PHLDB2: variants seen among roughly 807,000 people sequenced by gnomAD.
The protein encoded by PHLDB2 is pleckstrin homology like domain family B member 2.
In PHLDB2, 71 loss-of-function variants were observed where a neutral mutation model predicts 123.6. The ratio of observed to expected loss-of-function variants is 0.57; its 90% confidence interval spans 0.47 to 0.70. The LOEUF (loss-of-function observed/expected upper bound fraction) is 0.70, where lower values mean the gene tolerates loss of function less well. Ranked by LOEUF, PHLDB2 falls within the 30% of genes least tolerant of loss-of-function variation. PHLDB2 has a pLI of 0.00. For synonymous variants in PHLDB2, 547 were observed against 541.6 expected, an observed-to-expected ratio of 1.01 and a Z score of -0.14; for missense variants, 1,446 against 1,519.5, an observed-to-expected ratio of 0.95 and a Z score of 0.80.
At chr3:111,921,009 T>C (rs2068468139) in intron 5 of PHLDB2, among the ~76,000 whole-genome samples, 1 of 152,240 alleles carries the variant, frequency 6.6e-6, no homozygotes, top group Non-Finnish European at 1.5e-5. Context: ...AAGCTATCTG[T>C]GAAACACAGT....
intron 8 of PHLDB2, among the ~76,000 whole-genome samples, chr3:111,943,678 T>A (rs1196310093): frequency 6.6e-6 from 1 of 152,150 alleles, no homozygotes; most frequent in Non-Finnish European, 1.5e-5. Flanking sequence ...CAATATGAAT[T>A]AGAACAACAA....
chr3:111,770,709 CA>C (rs1258729747), intron 1 of PHLDB2, among the ~76,000 whole-genome samples: 10 of 152,332 alleles, frequency 6.6e-5, no homozygotes, highest in South Asian at 2.1e-4. Context: ...CAATATTACA[CA>C]GTTCCCACCT....
chr3:111,959,283 TG>T (rs1239036403), intron 12 of PHLDB2, among the ~76,000 whole-genome samples: 35 of 152,224 alleles, frequency 2.3e-4, no homozygotes, highest in African/African-American at 8.4e-4. Context: ...AGGGGTTACC[TG>T]TTTTTGGGGG....
At chr3:111,950,861 T>C (rs918160757) in intron 10 of PHLDB2, among the ~76,000 whole-genome samples, 6 of 152,220 alleles carry the variant, frequency 3.9e-5, no homozygotes, top group African/African-American at 1.4e-4. Flanking sequence ...AAGTAAGTTA[T>C]GTATACAAGG....
At chr3:111,812,038 C>T (rs1249135231) in intron 1 of PHLDB2, among the ~76,000 whole-genome samples, 1 of 152,138 alleles carries the variant, frequency 6.6e-6, no homozygotes, top group Admixed American at 6.5e-5. Flanking sequence ...CTATCAACCC[C>T]GTCTCTGTGA....
At chr3:111,895,872 C>CTAT (rs199501274) in intron 2 of PHLDB2, among the ~76,000 whole-genome samples, 92,126 of 144,852 alleles carry the variant, frequency 0.64, 29,153 homozygotes, top group East Asian at 0.7. Flanking sequence ...ATCTATCTAT[C>CTAT]CATCTATCTA....
intron 1 of PHLDB2, among the ~76,000 whole-genome samples, chr3:111,832,251 TA>T (rs1398846840): frequency 7.2e-5 from 11 of 152,298 alleles, no homozygotes; most frequent in African/African-American, 2.2e-4. Flanking sequence ...TTTTACAAGT[TA>T]ATCTATATCT....
chr3:111,879,471 G>A (rs940010939), intron 1 of PHLDB2, among the ~76,000 whole-genome samples: 12 of 151,992 alleles, frequency 7.9e-5, no homozygotes, highest in Admixed American at 3.3e-4. Context: ...CATCCTCTTC[G>A]TCTTCATGTT....
At chr3:111,854,451 T>C (rs1171296462), upstream of PHLDB2, among the ~76,000 whole-genome samples, 4 of 152,202 alleles carry the variant, frequency 2.6e-5, no homozygotes, top group East Asian at 5.8e-4. Context: ...CATCATAATA[T>C]TAAAGCGAAC....
chr3:111,823,689 C>T (rs1469411976), intron 1 of PHLDB2, among the ~76,000 whole-genome samples: 3 of 152,146 alleles, frequency 2.0e-5, no homozygotes, highest in Non-Finnish European at 4.4e-5. Context: ...TGTACAATCA[C>T]GATCAGTATG....
intron 1 of PHLDB2, among the ~76,000 whole-genome samples, chr3:111,817,747 C>A (rs2062158672): frequency 6.6e-6 from 1 of 152,110 alleles, no homozygotes; most frequent in South Asian, 2.1e-4. Context: ...TGCTGGAGAC[C>A]ATGACTTCTC....
At chr3:111,844,409 C>T (rs1337366157) in intron 1 of PHLDB2, among the ~76,000 whole-genome samples, 2 of 152,262 alleles carry the variant, frequency 1.3e-5, no homozygotes, top group East Asian at 1.9e-4. Context: ...TATTTCTGTT[C>T]GTAGATAATG....
At chr3:111,801,903 G>T (rs1294455789) in intron 1 of PHLDB2, among the ~76,000 whole-genome samples, 1 of 149,448 alleles carries the variant, frequency 6.7e-6, no homozygotes, top group African/African-American at 2.5e-5. Flanking sequence ...TTTTGTTTTG[G>T]AATGATGACA....
intron 1 of PHLDB2, among the ~76,000 whole-genome samples, chr3:111,768,035 A>C (rs1453599310): frequency 2.0e-5 from 3 of 152,160 alleles, no homozygotes; most frequent in African/African-American, 7.2e-5. Context: ...GAGAGGGATG[A>C]TTGATCCTGA....
At chr3:111,814,776 G>A (rs114657651) in intron 1 of PHLDB2, among the ~76,000 whole-genome samples, 131 of 152,184 alleles carry the variant, frequency 8.6e-4, no homozygotes, top group African/African-American at 2.6e-3. Context: ...CAAAGAGAGG[G>A]AAACCCGAGG....
At chr3:111,781,160 A>G (rs1258401207) in intron 1 of PHLDB2, among the ~76,000 whole-genome samples, 2 of 152,104 alleles carry the variant, frequency 1.3e-5, no homozygotes, top group East Asian at 3.8e-4. Context: ...GTGATGTCAT[A>G]ATCAAGAAAA....
chr3:111,830,767 C>CCACTG (rs1449988716), intron 1 of PHLDB2, among the ~76,000 whole-genome samples: 1 of 127,662 alleles, frequency 7.8e-6, no homozygotes, highest in Non-Finnish European at 1.6e-5. Context: ...CGAGATCCCG[C>CCACTG]CACTGCACTC....
chr3:111,957,752 G>A (rs2071145798), intron 12 of PHLDB2, among the ~76,000 whole-genome samples: 1 of 152,186 alleles, frequency 6.6e-6, no homozygotes, highest in Non-Finnish European at 1.5e-5. Flanking sequence ...TTAAATGATT[G>A]GCTTGAATAA....
rs576586864 is a variant in PHLDB2, at chr3:111,876,536, T to C, written c.-14-7528T>C. Among the ~76,000 whole-genome samples the C allele has an allele frequency of 2.6e-5, 4 of 152,122 alleles. No homozygotes were observed. In the East Asian group the frequency reaches 7.7e-4, roughly 29 times the overall value. On this transcript the variant is annotated intron_variant, in intron 1 of 17. Coordinates refer to ENST00000431670, the MANE Select transcript of PHLDB2 (RefSeq NM_001134438.2). ...AATAAAGTAATTTAGAGAAAAGAGG[T>C]TATTAAGATGTTCATAACGGAGAGA...
Sources: allele counts gnomAD v4.1 joint callset (sites outside exome capture counted in the v4.1 genomes callset), GRCh38; gene constraint gnomAD v4.1.1; transcripts MANE v1.5; gene names NCBI Gene and HGNC (gene_info 2026-07-23, HGNC 2026-07-21).